PCDH15: variants seen among roughly 807,000 people sequenced by gnomAD.
PCDH15 encodes protocadherin-15.
A neutral mutation model predicts 178.5 loss-of-function variants in PCDH15; 129 were observed. The ratio of observed to expected loss-of-function variants is 0.72; its 90% CI spans 0.63 to 0.84. PCDH15 has a LOEUF of 0.84. PCDH15 is among the 40% of genes least tolerant of loss of function. PCDH15 has a pLI of 0.00. For missense variants in PCDH15, 2,230 were observed against 2,099.9 expected, an observed-to-expected ratio of 1.06 and a Z score of -1.21; for synonymous variants, 800 against 732.0, an observed-to-expected ratio of 1.09 and a Z score of -1.50.
intron 1 of PCDH15, among the ~76,000 whole-genome samples, chr10:54,756,742 G>GAGAA (rs1947183952): frequency 6.9e-6 from 1 of 145,966 alleles, no homozygotes. Context: ...GAGAGAGAGA[G>GAGAA]AAACTATGGA....
intron 1 of PCDH15, among the ~76,000 whole-genome samples, 159 bp from the exon 2 acceptor site, chr10:54,664,449 G>T (rs879033563): frequency 6.6e-6 from 1 of 151,936 alleles, no homozygotes; most frequent in Non-Finnish European, 1.5e-5. Context: ...TAATGCACTG[G>T]AACTGTTTAT....
chr10:55,205,548 TA>T (rs1482385741), intron 1 of PCDH15, among the ~76,000 whole-genome samples: 16 of 152,194 alleles, frequency 1.1e-4, no homozygotes, highest in Non-Finnish European at 1.5e-4. Context: ...AATTTTTATA[TA>T]ATCCAATAAT....
intron 21 of PCDH15, among the ~76,000 whole-genome samples, chr10:53,990,082 T>C (rs1233655929): frequency 2.0e-5 from 3 of 152,260 alleles, no homozygotes; most frequent in East Asian, 1.9e-4. Flanking sequence ...CATAATTACA[T>C]AGCATGTTTG....
chr10:53,941,125 C>T, intron 23 of PCDH15, 150 bp from the exon 24 acceptor site: 2 of 632,246 alleles, frequency 3.2e-6, no homozygotes, highest in Non-Finnish European at 5.6e-6. Context: ...TCAAATCCCC[C>T]ACCCAACTGC....
intron 14 of PCDH15, among the ~76,000 whole-genome samples, chr10:54,134,407 A>G (rs1310620246): frequency 6.6e-6 from 1 of 152,124 alleles, no homozygotes; most frequent in African/African-American, 2.4e-5. Context: ...ATGGTCACCA[A>G]AAATATTTGT....
intron 1 of PCDH15, among the ~76,000 whole-genome samples, chr10:55,259,902 C>CAAAAAAAAAAAA (rs749939571): frequency 2.5e-4 from 13 of 52,012 alleles, no homozygotes; most frequent in Admixed American, 4.6e-4. Context: ...AACTCCGTCT[C>CAAAAAAAAAAAA]AAAAAAAAAA....
At chr10:54,130,532 G>A (rs910633554) in intron 15 of PCDH15, among the ~76,000 whole-genome samples, 9 of 152,120 alleles carry the variant, frequency 5.9e-5, no homozygotes, top group Non-Finnish European at 1.2e-4. Flanking sequence ...CAATACAGCC[G>A]TCAGGCAAAA....
At chr10:54,761,894 G>T (rs958657861) in intron 1 of PCDH15, among the ~76,000 whole-genome samples, 1 of 152,082 alleles carries the variant, frequency 6.6e-6, no homozygotes, top group African/African-American at 2.4e-5. Flanking sequence ...AGTAATTGGA[G>T]TATTCTGGGG....
chr10:54,887,494 C>T (rs1954379766), intron 3 of PCDH15, among the ~76,000 whole-genome samples: 1 of 151,940 alleles, frequency 6.6e-6, no homozygotes, highest in African/African-American at 2.4e-5. Context: ...CAAATTTTAT[C>T]ATTCTATTGT....
chr10:55,451,753 C>G (rs1170790892), intron 2 of PCDH15, among the ~76,000 whole-genome samples: 1 of 152,104 alleles, frequency 6.6e-6, no homozygotes, highest in African/African-American at 2.4e-5. Flanking sequence ...TCTGAGTTGA[C>G]ATCTATATTA....
intron 2 of PCDH15, among the ~76,000 whole-genome samples, chr10:54,959,196 C>T (rs1838577293): frequency 1.3e-5 from 2 of 151,556 alleles, no homozygotes; most frequent in South Asian, 4.1e-4. Flanking sequence ...AAAATGAAAA[C>T]AAGATTTGCT....
At chr10:55,153,555 T>C (rs1838796119) in intron 2 of PCDH15, among the ~76,000 whole-genome samples, 1 of 152,136 alleles carries the variant, frequency 6.6e-6, no homozygotes, top group Non-Finnish European at 1.5e-5. Flanking sequence ...ATACAGCTCT[T>C]AATTGTTAAA....
At chr10:55,301,910 T>C (rs1326133932) in intron 1 of PCDH15, among the ~76,000 whole-genome samples, 1 of 152,198 alleles carries the variant, frequency 6.6e-6, no homozygotes, top group Non-Finnish European at 1.5e-5. Flanking sequence ...TGCATGGAAC[T>C]GTCTGAGTTC....
intron 6 of PCDH15, among the ~76,000 whole-genome samples, chr10:54,331,385 G>A (rs557557148): frequency 6.6e-6 from 1 of 151,630 alleles, no homozygotes; most frequent in Non-Finnish European, 1.5e-5. Flanking sequence ...CATGTAATGG[G>A]CCTTGCAAAT....
At chr10:54,139,855 A>G (rs971700537) in intron 14 of PCDH15, among the ~76,000 whole-genome samples, 2 of 152,162 alleles carry the variant, frequency 1.3e-5, no homozygotes, top group Non-Finnish European at 2.9e-5. Flanking sequence ...GAAAAAAATA[A>G]CAATTTTTAT....
chr10:54,433,141 T>G (rs1388115124), intron 3 of PCDH15, among the ~76,000 whole-genome samples: 1 of 152,124 alleles, frequency 6.6e-6, no homozygotes, highest in African/African-American at 2.4e-5. Context: ...TTAGTACAAC[T>G]ACTATGGAGA....
intron 1 of PCDH15, among the ~76,000 whole-genome samples, chr10:54,796,939 A>G (rs1458595857): frequency 6.6e-6 from 1 of 152,058 alleles, no homozygotes; most frequent in African/African-American, 2.4e-5. Flanking sequence ...GTCCTTGGAT[A>G]AACAATTTGC....
At chr10:55,280,259 T>C (rs577600111) in intron 1 of PCDH15, among the ~76,000 whole-genome samples, 1 of 150,376 alleles carries the variant, frequency 6.6e-6, no homozygotes, top group Non-Finnish European at 1.5e-5. Flanking sequence ...AGGATGGGGT[T>C]ATTTTGATTC....
Position 53,949,021 on chromosome 10 carries a change from C to G in PCDH15, c.3123-8046G>C, listed in dbSNP as rs533722140. 5.3e-5 allele frequency among the ~76,000 whole-genome samples: 8 copies of G among 152,214 alleles called. No homozygotes were observed. The South Asian group carries it at 1.7e-3, about 32-fold the overall frequency. ...CACTCTTTGTATTGAAAAGTTTGTG[C>G]TAAATTCTAAACAGTGGATGTAAGT... On this transcript the variant is annotated intron_variant, in intron 23 of 37. Coordinates refer to ENST00000644397, the MANE Select transcript of PCDH15 (RefSeq NM_001384140.1).
Sources: allele counts gnomAD v4.1 joint callset (sites outside exome capture counted in the v4.1 genomes callset), GRCh38; gene constraint gnomAD v4.1.1; transcripts MANE v1.5; gene names NCBI Gene and HGNC (gene_info 2026-07-23, HGNC 2026-07-21).